The following PCGF5 variants were observed in gnomAD, a reference collection of about 807,000 sequenced individuals.
PCGF5 encodes the protein polycomb group ring finger 5.
A neutral mutation model predicts 44.3 loss-of-function variants in PCGF5; 9 were observed. That is an observed-to-expected ratio of 0.20 (90% CI 0.12 to 0.35). The LOEUF (loss-of-function observed/expected upper bound fraction) is 0.35. Ranked by LOEUF, PCGF5 falls within the 10% of genes least tolerant of loss-of-function variation. The pLI, the probability that PCGF5 is intolerant of heterozygous loss-of-function variation, is 1.00. For missense variants in PCGF5, 146 were observed against 305.3 expected (o/e 0.48, Z 3.89); for synonymous variants, 95 against 102.5 (o/e 0.93, Z 0.44).
chr10:91,167,867 A>G (rs1843526960), intron 1 of PCGF5, among the ~76,000 whole-genome samples: 2 of 152,228 alleles, frequency 1.3e-5, no homozygotes, highest in African/African-American at 4.8e-5. Flanking sequence ...GGGTGGAGGC[A>G]GATGAGTTGG....
At chr10:91,214,493 G>C (rs1025089206) in intron 1 of PCGF5, among the ~76,000 whole-genome samples, 1 of 152,146 alleles carries the variant, frequency 6.6e-6, no homozygotes, top group African/African-American at 2.4e-5. Flanking sequence ...CTCTGGGTTA[G>C]AGAATTTAAG....
chr10:91,216,032 A>G (rs916321160), upstream of PCGF5, among the ~76,000 whole-genome samples: 2 of 152,236 alleles, frequency 1.3e-5, no homozygotes, highest in African/African-American at 4.8e-5. Flanking sequence ...CAGTTTTTCA[A>G]TAAATATTTG....
chr10:91,189,501 A>G (rs189388770), intron 1 of PCGF5, among the ~76,000 whole-genome samples: 1 of 152,376 alleles, frequency 6.6e-6, no homozygotes, highest in African/African-American at 2.4e-5. Context: ...GAGGTTCAAG[A>G]TGAATTCTAC....
intron 1 of PCGF5, among the ~76,000 whole-genome samples, chr10:91,167,249 C>CTA (rs1843516378): frequency 1.3e-5 from 2 of 152,004 alleles, no homozygotes; most frequent in Admixed American, 6.5e-5. Flanking sequence ...ATCCAGCTTA[C>CTA]TATATATATA....
intron 1 of PCGF5, among the ~76,000 whole-genome samples, chr10:91,206,213 G>C (rs569382312): frequency 6.6e-6 from 1 of 152,032 alleles, no homozygotes; most frequent in Non-Finnish European, 1.5e-5. Flanking sequence ...AGCTCCTGCC[G>C]TCAAGGAGCT....
chr10:91,206,091 T>C (rs896555952), intron 1 of PCGF5, among the ~76,000 whole-genome samples: 1 of 152,214 alleles, frequency 6.6e-6, no homozygotes, highest in African/African-American at 2.4e-5. Context: ...AGCCTAACAA[T>C]AAATTGGCTT....
intron 6 of PCGF5, among the ~76,000 whole-genome samples, chr10:91,251,673 C>T (rs1038265299): frequency 6.6e-6 from 1 of 152,012 alleles, no homozygotes; most frequent in African/African-American, 2.4e-5. Context: ...AATCACACCT[C>T]TGTTTCTCCT....
intron 1 of PCGF5, among the ~76,000 whole-genome samples, chr10:91,185,153 TC>T: frequency 6.6e-6 from 1 of 152,338 alleles, no homozygotes; most frequent in Middle Eastern, 3.4e-3. Flanking sequence ...CACCCCTCCT[TC>T]TGGGAACTCT....
At chr10:91,213,447 T>C (rs1353630764) in intron 1 of PCGF5, among the ~76,000 whole-genome samples, 3 of 150,728 alleles carry the variant, frequency 2.0e-5, no homozygotes, top group African/African-American at 7.4e-5. Context: ...TTCATTAACT[T>C]CATTATTTTA....
chr10:91,203,829 A>C (rs1589366929), intron 1 of PCGF5, among the ~76,000 whole-genome samples: 1 of 152,322 alleles, frequency 6.6e-6, no homozygotes, highest in South Asian at 2.1e-4. Context: ...CAACAAAAAC[A>C]AGTGTATATA....
At chr10:91,240,650 G>A in intron 3 of PCGF5, 70 bp downstream of exon 3, 1 of 941,718 alleles carries the variant, frequency 1.1e-6, no homozygotes, top group Admixed American at 2.2e-5. Context: ...TTTATTGTAT[G>A]TCATAATATT....
intron 6 of PCGF5, among the ~76,000 whole-genome samples, chr10:91,260,054 G>A (rs1205556164): frequency 2.1e-5 from 3 of 142,328 alleles, no homozygotes; most frequent in Non-Finnish European, 3.0e-5. Flanking sequence ...GAAAATTTTT[G>A]CAACCTACTC....
chr10:91,190,781 G>T (rs889597277), intron 1 of PCGF5, among the ~76,000 whole-genome samples: 1 of 151,898 alleles, frequency 6.6e-6, no homozygotes. Flanking sequence ...GGATTATTGT[G>T]CTGGTTTTCA....
At chr10:91,247,684 A>G (rs1023488975) in intron 3 of PCGF5, among the ~76,000 whole-genome samples, 7 of 152,124 alleles carry the variant, frequency 4.6e-5, no homozygotes, top group African/African-American at 1.7e-4. Flanking sequence ...GAAAAATGTC[A>G]AGATAAACAT....
chr10:91,247,406 T>G (rs1363014185), intron 3 of PCGF5, among the ~76,000 whole-genome samples: 4 of 152,132 alleles, frequency 2.6e-5, no homozygotes, highest in Admixed American at 2.0e-4. Flanking sequence ...AGAAATAATG[T>G]AGGTTTTATT....
intron 2 of PCGF5, among the ~76,000 whole-genome samples, chr10:91,226,513 T>C (rs1403995089): frequency 4.6e-5 from 7 of 152,070 alleles, no homozygotes; most frequent in Non-Finnish European, 1.0e-4. Context: ...CAGGGATTAT[T>C]AGTAGCTCTC....
At chr10:91,235,709 A>C (rs1168758843) in intron 2 of PCGF5, among the ~76,000 whole-genome samples, 1 of 152,188 alleles carries the variant, frequency 6.6e-6, no homozygotes, top group Non-Finnish European at 1.5e-5. Context: ...TTTTCTCAAT[A>C]GTGAATAAGT....
intron 3 of PCGF5, among the ~76,000 whole-genome samples, chr10:91,245,468 A>T (rs753782170): frequency 3.9e-5 from 6 of 152,006 alleles, no homozygotes; most frequent in African/African-American, 1.4e-4. Context: ...TTTTGCTACA[A>T]ATGGGAGCAA....
rs746441600 is a variant in PCGF5 at position 91,251,386 on chromosome 10, T to C, written c.420T>C (p.Ala140=). Residue 140 remains alanine (A), a synonymous_variant, in exon 6 of 10, where the codon GCT becomes GCC. Transcript: ENST00000336126. ...KDYHRSDPQI[A]ICLDCLRNNG... ...ATCACAGAAGTGACCCACAAATTGC[T>C]ATCTGTCTAGATTGTTTACGAAATA... is the stretch of plus-strand genomic sequence containing the variant. 3 of 1,611,472 alleles carry C rather than the reference T, an allele frequency of 1.9e-6. No homozygotes were observed. The highest frequency in any genetic ancestry group is 1.7e-5 in the Admixed American group (1 of 59,826).
Sources: gnomAD v4.1 joint callset for allele counts (sites outside exome capture counted in the v4.1 genomes callset) on GRCh38, gnomAD v4.1.1 for gene constraint, MANE v1.5 for transcripts, NCBI Gene and HGNC (gene_info 2026-07-23, HGNC 2026-07-21) for gene names.